Variants in RTN1 observed in about 807,000 individuals in gnomAD.
The protein encoded by RTN1 is reticulon 1.
In RTN1, 25 loss-of-function variants were observed where a neutral mutation model predicts 65.5. The observed-to-expected ratio is 0.38, with a 90% confidence interval of 0.28 to 0.53. RTN1 has a LOEUF of 0.53. RTN1 is among the 20% of genes least tolerant of loss of function. The probability of loss-of-function intolerance (pLI) is 0.79; values close to 1 mark genes in which losing one functional copy is unlikely to be tolerated. For synonymous variants in RTN1, 471 were observed against 447.6 expected, an observed-to-expected ratio of 1.05 and a Z score of -0.66; for missense variants, 983 against 1,025.4, an observed-to-expected ratio of 0.96 and a Z score of 0.57.
In RTN1 at chr14:59,745,822, G is replaced by C. The variant is rs754684972; in HGVS notation, c.901C>G (p.Pro301Ala). 6.2e-7 allele frequency: 1 copy of C among 1,614,028 alleles called. No homozygotes were observed. The change falls in exon 2 of 9, where the codon CCT (proline) becomes GCT (alanine). Residue 301 changes from proline to alanine, a missense_variant. Physicochemically the swap from Pro to Ala is conservative, Grantham distance 27. Around this residue, in one of 2 missense-constraint regions of RTN1, gnomAD observed 818 missense variants for 801.8 expected, o/e 1.02. Transcript: ENST00000267484. ...TTTAGACATATATCTTGCTTCTCAG[G>C]GGTCTTCTCTTGGGTAGTGGTTTCA... is the stretch of plus-strand genomic sequence containing the variant. Reference protein sequence around the residue: ...SVETTTQEKTPEKQDICLKPS... With the variant: ...SVETTTQEKTAEKQDICLKPS...
At chr14:59,635,431 G>GA (rs1882643614) in intron 3 of RTN1, among the ~76,000 whole-genome samples, 1 of 151,992 alleles carries the variant, frequency 6.6e-6, no homozygotes, top group South Asian at 2.1e-4. Flanking sequence ...TGAATTGCAT[G>GA]AAAAAAATGC....
intron 1 of RTN1, among the ~76,000 whole-genome samples, chr14:59,864,893 C>T (rs1887771167): frequency 6.9e-6 from 1 of 145,674 alleles, no homozygotes; most frequent in African/African-American, 2.5e-5. Context: ...TTTGAATAAA[C>T]ATTAAAATCA....
chr14:59,820,678 T>C (rs1037031199), intron 1 of RTN1, among the ~76,000 whole-genome samples: 1 of 152,190 alleles, frequency 6.6e-6, no homozygotes, highest in African/African-American at 2.4e-5. Context: ...CCATTGCATG[T>C]TGTATTAGCA....
At position 59,650,078 on chromosome 14, in the gene RTN1, G is replaced by T. The variant is rs200580471; in HGVS notation, c.1766-42586C>A. Among the ~76,000 whole-genome samples the T allele has an allele frequency of 1.2e-4, 19 of 152,294 alleles. No individual in the cohort carries two copies. The East Asian group carries it at 3.7e-3, about 29-fold the overall frequency. On this transcript the variant is annotated intron_variant, in intron 3 of 8. Coordinates refer to ENST00000267484, the MANE Select transcript of RTN1 (RefSeq NM_021136.3). The stretch of plus-strand genomic sequence containing the variant: ...TGGAATACTATGCAGCCATAAAAAA[G>T]AATGAGGTCATGCCCTTTGCAGGGA...
In RTN1 at chr14:59,870,295, C is replaced by G. The variant is rs1278921342; in HGVS notation, c.241+95G>C. On this transcript the variant is annotated intron_variant, in intron 1 of 8. Coordinates refer to ENST00000267484, the MANE Select transcript of RTN1 (RefSeq NM_021136.3). This position sits in a 1 kb window ranked among gnomAD's most constrained non-coding sequence, Gnocchi z 5.1. Reference sequence around the variant, plus strand: ...TGGGGTCGGCGCTCAAGGCAGAAAGCGCGAGGCAGGTGCCCAGGAGAGCCG... The same window carrying G: ...TGGGGTCGGCGCTCAAGGCAGAAAGGGCGAGGCAGGTGCCCAGGAGAGCCG... 8.0e-6 allele frequency: 10 copies of G among 1,257,456 alleles called. No homozygotes were observed. Among genetic ancestry groups the G allele is most frequent in the Non-Finnish European group, 9.2e-6 (9 of 983,080 alleles). The allele number at this position is 1,257,456 out of a possible 1,614,324, so 77.9% of individuals were successfully genotyped here.
At chr14:59,611,187 C>T (rs1454057306) in intron 3 of RTN1, among the ~76,000 whole-genome samples, 1 of 152,208 alleles carries the variant, frequency 6.6e-6, no homozygotes, top group Non-Finnish European at 1.5e-5. Context: ...CAATGTGAAC[C>T]CCTTGGGCAG....
At chr14:59,718,841 T>A (rs1274500763) in intron 3 of RTN1, among the ~76,000 whole-genome samples, 1 of 152,206 alleles carries the variant, frequency 6.6e-6, no homozygotes, top group African/African-American at 2.4e-5. Flanking sequence ...AAAACTGAAA[T>A]ATAATTTGAG....
rs1025378081 is a variant in RTN1, at chr14:59,801,619, C to A, written c.242-55138G>T. Among the ~76,000 whole-genome samples the A allele has an allele frequency of 3.2e-4, 48 of 152,014 alleles. 1 individual carries two copies. Among genetic ancestry groups the A allele is most frequent in the Admixed American group, 1.9e-3 (29 of 15,264 alleles). ...GGGAGAAAAGTTATAGACAGTTCTG[C>A]AGGAAGAAGATAAATTATGAAATTT... On this transcript the variant is annotated intron_variant, in intron 1 of 8. Coordinates refer to ENST00000267484, the MANE Select transcript of RTN1 (RefSeq NM_021136.3).
intron 3 of RTN1, among the ~76,000 whole-genome samples, chr14:59,659,863 A>G (rs1024784097): frequency 8.5e-5 from 13 of 152,204 alleles, no homozygotes; most frequent in Admixed American, 7.2e-4. Context: ...TAACATCATA[A>G]TGACAGGATC....
chr14:59,755,303 T>A (rs1335925791), intron 1 of RTN1, among the ~76,000 whole-genome samples: 1 of 152,182 alleles, frequency 6.6e-6, no homozygotes, highest in African/African-American at 2.4e-5. Flanking sequence ...ATTGTTTGAA[T>A]AGAGCCAATA....
At chr14:59,728,142 C>T (rs1262806203) in intron 2 of RTN1, among the ~76,000 whole-genome samples, 3 of 152,246 alleles carry the variant, frequency 2.0e-5, no homozygotes, top group Non-Finnish European at 4.4e-5. Context: ...CATTATTCCT[C>T]GTCCATTGCT....
At chr14:59,681,168 T>C (rs977986584) in intron 3 of RTN1, among the ~76,000 whole-genome samples, 3 of 152,162 alleles carry the variant, frequency 2.0e-5, no homozygotes, top group African/African-American at 7.2e-5. Context: ...ATTATTTCCA[T>C]ATTTATTAAA....
chr14:59,714,631 G>A (rs1365860036), intron 3 of RTN1, among the ~76,000 whole-genome samples: 1 of 152,178 alleles, frequency 6.6e-6, no homozygotes, highest in African/African-American at 2.4e-5. Context: ...TAGACTCAGA[G>A]CTTCACCTGG....
Position 59,596,779 on chromosome 14 carries a change from G to A in RTN1, c.2297C>T (p.Ala766Val), listed in dbSNP as rs1366401302. 1 of 1,611,000 alleles carries A rather than the reference G, an allele frequency of 6.2e-7. No homozygotes were observed. Among genetic ancestry groups the A allele is most frequent in the Non-Finnish European group, 8.5e-7 (1 of 1,177,310 alleles). ...HINAVVAKIQ[A>V]KIPGAKRHAE is the part of the protein sequence containing the mutation. ...ATGCCTCTTAGCGCCTGGGATTTTA[G>A]CCTGAATCCTAAAAAGACAGTATCA... Residue 766 changes from alanine (A) to valine (V), a missense_variant, in exon 9 of 9, where the codon GCT becomes GTT. By Grantham distance (64) the Ala-to-Val change is moderately conservative. This residue lies in a region of RTN1 where 165 missense variants were observed against 223.6 expected (regional missense o/e 0.74). Coordinates refer to ENST00000267484, the MANE Select transcript of RTN1 (RefSeq NM_021136.3).
intron 2 of RTN1, among the ~76,000 whole-genome samples, chr14:59,736,031 A>G (rs2139492483): frequency 6.6e-6 from 1 of 152,332 alleles, no homozygotes; most frequent in South Asian, 2.1e-4. Flanking sequence ...TCTAGGATGT[A>G]GCTAAAGCAG....
rs568356742 is a variant in RTN1 at position 59,713,774 on chromosome 14, G to C, written c.1765+13145C>G. 2.0e-5 allele frequency among the ~76,000 whole-genome samples: 3 copies of C among 152,166 alleles called. No homozygotes were observed. In the South Asian group the frequency reaches 6.2e-4, roughly 32 times the overall value. On this transcript the variant is annotated intron_variant, in intron 3 of 8. Transcript: ENST00000267484. Reference sequence around the variant, plus strand: ...TATAGTTTTTAATGACAACATTTCAGGAAGAAGCAATAAAACATCTTGAAG... The same window carrying C: ...TATAGTTTTTAATGACAACATTTCACGAAGAAGCAATAAAACATCTTGAAG...
At chr14:59,597,163 G>C (rs1241630851) in intron 8 of RTN1, among the ~76,000 whole-genome samples, 1 of 152,196 alleles carries the variant, frequency 6.6e-6, no homozygotes, top group African/African-American at 2.4e-5. Flanking sequence ...CCAGGAAGAT[G>C]AGCATAAGTA....
rs142209524 is a variant in RTN1 at position 59,774,215 on chromosome 14, T to C, written c.242-27734A>G. Among the ~76,000 whole-genome samples the C allele has an allele frequency of 8.7e-4, 132 of 152,296 alleles. No individual in the cohort carries two copies. The highest frequency in any genetic ancestry group is 2.9e-3 in the African/African-American group (122 of 41,562). On this transcript the variant is annotated intron_variant, in intron 1 of 8. Coordinates refer to ENST00000267484, the MANE Select transcript of RTN1 (RefSeq NM_021136.3). This position sits in a 1 kb window ranked among gnomAD's most constrained non-coding sequence, Gnocchi z 5.1. ...GATGGCACAGCTCTTTATTTTTCTA[T>C]GGCAAAGAATGTGAATCTCTTACTA... is the stretch of plus-strand genomic sequence containing the variant.
intron 1 of RTN1, among the ~76,000 whole-genome samples, chr14:59,776,569 A>G (rs1886054486): frequency 6.6e-6 from 1 of 152,160 alleles, no homozygotes; most frequent in African/African-American, 2.4e-5. Flanking sequence ...ACATTCAAAA[A>G]TAGGAACTTT....
Sources: gnomAD v4.1 joint callset for allele counts (sites outside exome capture counted in the v4.1 genomes callset) on GRCh38, gnomAD v4.1.1 for gene constraint, gnomAD v4.1.1 regional missense constraint, Gnocchi (gnomAD v3.1) non-coding constraint, MANE v1.5 for transcripts, NCBI Gene and HGNC (gene_info 2026-07-23, HGNC 2026-07-21) for gene names.